Variants in STK32B observed in about 807,000 individuals in gnomAD.
STK32B encodes the protein serine/threonine kinase 32B.
STK32B carries 43 observed loss-of-function variants against 52.6 expected under a neutral mutation model. That is an observed-to-expected ratio of 0.82 (90% CI 0.64 to 1.05). The LOEUF (loss-of-function observed/expected upper bound fraction) is 1.05. STK32B is among the 50% of genes least tolerant of loss of function. STK32B has a pLI of 0.00. For missense variants in STK32B, 621 were observed against 534.6 expected (o/e 1.16, Z -1.59); for synonymous variants, 238 against 204.3 (o/e 1.17, Z -1.41).
chr4:5,114,904 C>G lies in STK32B; in HGVS notation c.53-25001C>G, dbSNP rs148553000. On this transcript the variant is annotated intron_variant, in intron 1 of 11. Coordinates refer to ENST00000282908, the MANE Select transcript of STK32B (RefSeq NM_018401.3). ...CTTTGTTCCTCAGCACCCTGCACCC[C>G]AAGCCTCTTCCCACACCCTGACCCC... is the stretch of plus-strand genomic sequence containing the variant. Among the ~76,000 whole-genome samples the G allele has an allele frequency of 9.5e-3, 1,443 of 152,212 alleles. 26 individuals are homozygous for G. Among genetic ancestry groups the G allele is most frequent in the African/African-American group, 0.033 (1,350 of 41,536 alleles).
rs140592111 is a variant in STK32B at position 5,434,169 on chromosome 4, A to G, written c.563-12504A>G. Among the ~76,000 whole-genome samples the G allele has an allele frequency of 3.4e-3, 519 of 152,278 alleles. 1 individual carries two copies. The highest frequency in any genetic ancestry group is 5.4e-3 in the Non-Finnish European group (370 of 68,022). On this transcript the variant is annotated intron_variant, in intron 6 of 11. Coordinates refer to ENST00000282908, the MANE Select transcript of STK32B (RefSeq NM_018401.3). Reference sequence around the variant, plus strand: ...CACAAGAATCCATAAAGCATGCACCATGCACCCCATGCAGTGAAAGACAAT... The same window carrying G: ...CACAAGAATCCATAAAGCATGCACCGTGCACCCCATGCAGTGAAAGACAAT...
rs181793024 is a variant in STK32B, at chr4:5,250,004, A to C, written c.261-81216A>C. ...CTCCTACTTATCAGTGAGAACATGC[A>C]GTATTTGGTTTTCTGTTCCTGGGTT... On this transcript the variant is annotated intron_variant, in intron 3 of 11. Transcript: ENST00000282908. Among the ~76,000 whole-genome samples, 419 of 151,080 alleles carry C rather than the reference A, an allele frequency of 2.8e-3. 2 individuals carry two copies. Among genetic ancestry groups the C allele is most frequent in the Admixed American group, 5.0e-3 (76 of 15,242 alleles).
chr4:5,271,294 G>C (rs903025888), intron 3 of STK32B, among the ~76,000 whole-genome samples: 20 of 152,068 alleles, frequency 1.3e-4, no homozygotes, highest in African/African-American at 4.8e-4. Context: ...GATAGATCTG[G>C]ATAAACATGT....
chr4:5,402,965 A>T (rs574977300), intron 5 of STK32B, among the ~76,000 whole-genome samples: 1 of 152,208 alleles, frequency 6.6e-6, no homozygotes, highest in Non-Finnish European at 1.5e-5. Flanking sequence ...TGGGATGGGT[A>T]CAGTGGGATT....
chr4:5,215,737 C>G (rs1445091613), intron 3 of STK32B, among the ~76,000 whole-genome samples: 1 of 152,132 alleles, frequency 6.6e-6, no homozygotes, highest in Admixed American at 6.5e-5. Context: ...TTTAAACCCT[C>G]AGAGCAGGCA....
intron 1 of STK32B, among the ~76,000 whole-genome samples, chr4:5,087,002 A>C (rs1464516490): frequency 6.6e-6 from 1 of 152,258 alleles, no homozygotes; most frequent in Non-Finnish European, 1.5e-5. Flanking sequence ...GAAGAAATTA[A>C]GAACACCAGT....
chr4:5,447,124 A>AT lies in STK32B; in HGVS notation c.666+348_666+349insT, dbSNP rs150006827. On this transcript the variant is annotated intron_variant, in intron 7 of 11. Transcript: ENST00000282908. ...ACAAGGTCTTCATGTCTGATTTTCT[A>AT]GCTGATTGGAAAATCTTTAAAGGTG... The AT allele has an allele frequency of 9.7e-3, 1,763 of 181,600 alleles. 27 individuals are homozygous for AT. The highest frequency in any genetic ancestry group is 0.039 in the African/African-American group (1,655 of 42,828). 11.2% of individuals were successfully genotyped at this position (181,600 alleles called of 1,614,324 possible). A position where few individuals can be genotyped will look rare whatever the true frequency, so the allele number is the denominator to read the frequency against.
intron 1 of STK32B, among the ~76,000 whole-genome samples, chr4:5,083,721 G>A (rs1712559572): frequency 6.6e-6 from 1 of 151,222 alleles, no homozygotes; most frequent in Admixed American, 6.6e-5. Context: ...CTTAGATATA[G>A]ACTGCTCTTC....
intron 1 of STK32B, among the ~76,000 whole-genome samples, chr4:5,087,834 G>A (rs1359697371): frequency 6.6e-6 from 1 of 151,922 alleles, no homozygotes; most frequent in Non-Finnish European, 1.5e-5. Flanking sequence ...AAATGAACAT[G>A]TGAACAATAA....
At chr4:5,488,498 GA>G (rs1157296802) in intron 11 of STK32B, among the ~76,000 whole-genome samples, 2 of 152,058 alleles carry the variant, frequency 1.3e-5, no homozygotes, top group Non-Finnish European at 2.9e-5. Context: ...TCAGTTGTTA[GA>G]AAGGTTATCA....
intron 4 of STK32B, among the ~76,000 whole-genome samples, chr4:5,372,646 T>G (rs1735323224): frequency 6.7e-6 from 1 of 150,092 alleles, no homozygotes. Flanking sequence ...TAATAAAATT[T>G]CAGCTCTACC....
At chr4:5,389,555 T>C (rs1176407855) in intron 4 of STK32B, among the ~76,000 whole-genome samples, 2 of 152,214 alleles carry the variant, frequency 1.3e-5, no homozygotes, top group Non-Finnish European at 2.9e-5. Flanking sequence ...CAGATTGGAT[T>C]TGAGTCTACT....
chr4:5,043,458 T>G, the STK32B span, among the ~76,000 whole-genome samples: 1 of 152,258 alleles, frequency 6.6e-6, no homozygotes, highest in African/African-American at 2.4e-5. Context: ...TCTAGCTATA[T>G]GTCTCATAGT....
the STK32B span, among the ~76,000 whole-genome samples, chr4:5,041,804 CTTTT>C: frequency 6.7e-6 from 1 of 149,596 alleles, no homozygotes; most frequent in Admixed American, 6.7e-5. Flanking sequence ...CAGCCTTTAT[CTTTT>C]TTTTTTTCTT....
At chr4:5,330,675 G>C (rs1165004619) in intron 3 of STK32B, among the ~76,000 whole-genome samples, 2 of 152,196 alleles carry the variant, frequency 1.3e-5, no homozygotes, top group Non-Finnish European at 2.9e-5. Flanking sequence ...GCCTCTCCAT[G>C]TGGCTTGCAT....
chr4:5,449,186 C>CA (rs973892938), intron 7 of STK32B, among the ~76,000 whole-genome samples: 1 of 152,072 alleles, frequency 6.6e-6, no homozygotes, highest in Non-Finnish European at 1.5e-5. Context: ...ACTAAAAATA[C>CA]AAAAAAATTA....
intron 6 of STK32B, among the ~76,000 whole-genome samples, chr4:5,439,894 G>T (rs1383483223): frequency 2.6e-5 from 4 of 152,060 alleles, no homozygotes; most frequent in Non-Finnish European, 5.9e-5. Context: ...TCTCAGGTTT[G>T]TCAAAGATCA....
chr4:5,468,856 A>G (rs1473895256), intron 11 of STK32B, among the ~76,000 whole-genome samples: 1 of 152,082 alleles, frequency 6.6e-6, no homozygotes, highest in African/African-American at 2.4e-5. Context: ...AGGTCAGGAT[A>G]TCGAGACCAC....
At chr4:5,193,680 T>C (rs1017312708) in intron 3 of STK32B, among the ~76,000 whole-genome samples, 2 of 152,176 alleles carry the variant, frequency 1.3e-5, no homozygotes, top group South Asian at 2.1e-4. Context: ...ACAAGTGAGA[T>C]TGGGTTTTTA....
Sources: gnomAD v4.1 joint callset for allele counts (sites outside exome capture counted in the v4.1 genomes callset) on GRCh38, gnomAD v4.1.1 for gene constraint, MANE v1.5 for transcripts, NCBI Gene and HGNC (gene_info 2026-07-23, HGNC 2026-07-21) for gene names.